MRPS28: variants seen among roughly 807,000 people sequenced by gnomAD.
MRPS28 encodes the protein small ribosomal subunit protein bS1m.
In MRPS28, 7 loss-of-function variants were observed where a neutral mutation model predicts 10.8. The observed-to-expected ratio is 0.65, with a 90% CI of 0.37 to 1.22. The LOEUF (loss-of-function observed/expected upper bound fraction) is 1.22. MRPS28 is among the 50% of genes most tolerant of loss of function. The pLI, the probability that MRPS28 is intolerant of heterozygous loss-of-function variation, is 0.02. For missense variants in MRPS28, 265 were observed against 232.9 expected, an observed-to-expected ratio of 1.14 and a Z score of -0.90; for synonymous variants, 121 against 93.3, an observed-to-expected ratio of 1.30 and a Z score of -1.71.
At chr8:79,945,407 GA>G (rs1806885232) in intron 2 of MRPS28, among the ~76,000 whole-genome samples, 1 of 152,032 alleles carries the variant, frequency 6.6e-6, no homozygotes, top group Admixed American at 6.5e-5. Flanking sequence ...TATGTTTGTG[GA>G]AAAAAAGAAG....
intron 2 of MRPS28, among the ~76,000 whole-genome samples, chr8:79,923,822 G>A (rs1405221415): frequency 1.3e-5 from 2 of 152,150 alleles, no homozygotes; most frequent in African/African-American, 4.8e-5. Context: ...GCCATATGCT[G>A]CAGTAAACGA....
intron 2 of MRPS28, among the ~76,000 whole-genome samples, chr8:79,967,935 T>C (rs1357715043): frequency 6.6e-6 from 1 of 152,138 alleles, no homozygotes; most frequent in Non-Finnish European, 1.5e-5. Flanking sequence ...ATTTACATTA[T>C]CTTGAATGTA....
At chr8:79,970,586 A>G (rs925838216) in intron 2 of MRPS28, among the ~76,000 whole-genome samples, 2 of 152,190 alleles carry the variant, frequency 1.3e-5, no homozygotes, top group Non-Finnish European at 2.9e-5. Flanking sequence ...TCTTCCAAAA[A>G]AACTGTTTAC....
At chr8:80,019,861 T>C (rs1432675799) in intron 1 of MRPS28, among the ~76,000 whole-genome samples, 1 of 152,216 alleles carries the variant, frequency 6.6e-6, no homozygotes, top group Non-Finnish European at 1.5e-5. Context: ...ACCAAGAGTA[T>C]GAGACAGGTC....
At chr8:79,950,889 G>A (rs183962736) in intron 2 of MRPS28, among the ~76,000 whole-genome samples, 16 of 152,256 alleles carry the variant, frequency 1.1e-4, no homozygotes, top group South Asian at 8.3e-4. Flanking sequence ...CCAAAGCACT[G>A]TATTTTCTCT....
intron 1 of MRPS28, among the ~76,000 whole-genome samples, chr8:80,010,877 C>T (rs1809021738): frequency 1.3e-5 from 2 of 152,234 alleles, no homozygotes; most frequent in Non-Finnish European, 2.9e-5. Flanking sequence ...AAACTAAAGA[C>T]AAGTCAGTAG....
intron 2 of MRPS28, among the ~76,000 whole-genome samples, chr8:79,932,941 T>C (rs1037077040): frequency 1.3e-5 from 2 of 152,194 alleles, no homozygotes; most frequent in Non-Finnish European, 2.9e-5. Flanking sequence ...TCAGAATTGA[T>C]GGAGGTCTGA....
intron 2 of MRPS28, among the ~76,000 whole-genome samples, chr8:79,941,840 A>G (rs539652283): frequency 1.3e-5 from 2 of 152,348 alleles, no homozygotes; most frequent in East Asian, 3.9e-4. Context: ...AGTATCCATC[A>G]TAAGAATTTG....
At chr8:79,977,609 G>C (rs1481701165) in intron 2 of MRPS28, among the ~76,000 whole-genome samples, 1 of 152,146 alleles carries the variant, frequency 6.6e-6, no homozygotes, top group African/African-American at 2.4e-5. Context: ...TTGAGACCAG[G>C]AGTTCGAGAC....
Position 80,005,062 on chromosome 8 carries a change from T to G in MRPS28, c.214-1882A>C, listed in dbSNP as rs552009717. 5.3e-3 allele frequency among the ~76,000 whole-genome samples: 812 copies of G among 152,262 alleles called. 10 individuals carry two copies. Among genetic ancestry groups the G allele is most frequent in the African/African-American group, 0.019 (786 of 41,534 alleles). ...ATGGAACCAAGTTGGAAAGCACTCT[T>G]CAGGATATTATCCAGGAGAACATCC... On this transcript the variant is annotated intron_variant, in intron 1 of 2. Coordinates refer to ENST00000276585, the MANE Select transcript of MRPS28 (RefSeq NM_014018.3).
chr8:79,988,293 G>GA (rs1490073854), intron 2 of MRPS28, among the ~76,000 whole-genome samples: 2 of 107,986 alleles, frequency 1.9e-5, no homozygotes, highest in Non-Finnish European at 3.5e-5. Context: ...GAGGGGGGAG[G>GA]GATAGCTTTA....
At chr8:80,011,133 T>A (rs1328636373) in intron 1 of MRPS28, among the ~76,000 whole-genome samples, 14 of 147,048 alleles carry the variant, frequency 9.5e-5, no homozygotes, top group African/African-American at 2.9e-4. Context: ...TTTTATTTTT[T>A]TATTTTTATT....
In MRPS28 at chr8:80,003,719, G is replaced by A. The variant is rs184421628; in HGVS notation, c.214-539C>T. Among the ~76,000 whole-genome samples, 10 of 152,288 alleles carry A rather than the reference G, an allele frequency of 6.6e-5. No individual in the cohort carries two copies. In the East Asian group the frequency reaches 1.9e-3, roughly 29 times the overall value. On this transcript the variant is annotated intron_variant, in intron 1 of 2. Transcript: ENST00000276585. ...CTCACCCAGAAAACGCAAGGGGTCA[G>A]GGAATTCCCTTTCCTAGCCAAGGGA... is the stretch of plus-strand genomic sequence containing the variant.
intron 1 of MRPS28, among the ~76,000 whole-genome samples, chr8:80,018,923 C>A (rs1809278117): frequency 6.6e-6 from 1 of 152,178 alleles, no homozygotes; most frequent in South Asian, 2.1e-4. Context: ...ATGTTATTAT[C>A]TGTGGGAGTT....
chr8:79,932,769 G>A (rs1376783996), intron 2 of MRPS28, among the ~76,000 whole-genome samples: 1 of 152,190 alleles, frequency 6.6e-6, no homozygotes, highest in Middle Eastern at 3.2e-3. Flanking sequence ...AGGCTGTGCT[G>A]GCACGCCACA....
At chr8:79,998,538 T>G (rs1369044588) in intron 2 of MRPS28, among the ~76,000 whole-genome samples, 2 of 152,224 alleles carry the variant, frequency 1.3e-5, no homozygotes, top group Non-Finnish European at 2.9e-5. Context: ...TAAAATTAGT[T>G]TCTTCCTTTC....
intron 1 of MRPS28, among the ~76,000 whole-genome samples, chr8:80,010,275 G>A (rs1307775645): frequency 1.3e-5 from 2 of 152,168 alleles, no homozygotes; most frequent in Non-Finnish European, 2.9e-5. Flanking sequence ...AGCAAATCAT[G>A]GAAGGACATT....
chr8:79,997,491 A>G (rs1003946717), intron 2 of MRPS28, among the ~76,000 whole-genome samples: 2 of 152,188 alleles, frequency 1.3e-5, no homozygotes, highest in African/African-American at 4.8e-5. Context: ...ATTGGAAAGC[A>G]ATACCTTTCA....
chr8:80,027,352 CTAAG>C (rs1261771339), intron 1 of MRPS28, among the ~76,000 whole-genome samples: 1 of 152,146 alleles, frequency 6.6e-6, no homozygotes, highest in African/African-American at 2.4e-5. Flanking sequence ...CTTAGATAGG[CTAAG>C]TAAGTTGCCC....
Sources: gnomAD v4.1 joint callset for allele counts (sites outside exome capture counted in the v4.1 genomes callset) on GRCh38, gnomAD v4.1.1 for gene constraint, MANE v1.5 for transcripts, NCBI Gene and HGNC (gene_info 2026-07-23, HGNC 2026-07-21) for gene names.